CTNNA3: variants seen among roughly 807,000 people sequenced by gnomAD.
CTNNA3 encodes catenin alpha 3, also known as catenin alpha-3.
In CTNNA3, 76 loss-of-function variants were observed where a neutral mutation model predicts 95.7. The observed-to-expected ratio is 0.79, with a 90% CI of 0.66 to 0.96. The LOEUF is 0.96. CTNNA3 is among the 40% of genes least tolerant of loss of function. The pLI, the probability that CTNNA3 is intolerant of heterozygous loss-of-function variation, is 0.00. For synonymous variants in CTNNA3, 431 were observed against 374.4 expected (o/e 1.15, Z -1.74); for missense variants, 1,191 against 1,089.8 (o/e 1.09, Z -1.31).
intron 13 of CTNNA3, among the ~76,000 whole-genome samples, chr10:66,227,724 T>C (rs1383471607): frequency 1.3e-5 from 2 of 152,158 alleles, no homozygotes; most frequent in African/African-American, 4.8e-5. Context: ...TTTTACTTTT[T>C]TGCAAAATTG....
intron 12 of CTNNA3, among the ~76,000 whole-genome samples, chr10:66,331,078 C>A (rs1384521012): frequency 1.3e-5 from 2 of 152,052 alleles, no homozygotes; most frequent in South Asian, 2.1e-4. Context: ...TTAATTAGAT[C>A]CCATTTGTCA....
intron 7 of CTNNA3, among the ~76,000 whole-genome samples, chr10:67,145,389 G>A (rs567319899): frequency 4.6e-5 from 7 of 151,510 alleles, no homozygotes; most frequent in African/African-American, 1.5e-4. Context: ...TGGAAACCTT[G>A]GTAATAAAGG....
intron 1 of CTNNA3, among the ~76,000 whole-genome samples, chr10:67,684,433 C>T (rs4376802): frequency 0.23 from 35,473 of 152,012 alleles, 4,954 homozygotes; most frequent in East Asian, 0.51. Context: ...AGAGTGCTGA[C>T]TGATGCGTTT....
At position 66,927,994 on chromosome 10, in the gene CTNNA3, A is replaced by G; in HGVS notation, c.1048-152470T>C. The G allele has an allele frequency of 6.2e-7, 1 of 1,614,234 alleles. No individual in the cohort carries two copies. The highest frequency in any genetic ancestry group is 1.1e-5 in the South Asian group (1 of 91,088). ...GATCGATGCAGTGAAGAACTACAGC[A>G]TCTGTGGCAAAAGTACTACAGAGAG... On this transcript the variant is annotated intron_variant, in intron 7 of 17. Transcript: ENST00000433211. The surrounding 1 kb of genome is among the most constrained non-coding windows in gnomAD (Gnocchi z 4.7).
At chr10:67,303,820 A>G (rs1051118279) in intron 5 of CTNNA3, among the ~76,000 whole-genome samples, 2 of 152,160 alleles carry the variant, frequency 1.3e-5, no homozygotes, top group Admixed American at 6.5e-5. Flanking sequence ...CGCATCTGCT[A>G]AGTGAGGATC....
chr10:66,769,004 G>C (rs1370668602), intron 8 of CTNNA3, among the ~76,000 whole-genome samples: 1 of 152,104 alleles, frequency 6.6e-6, no homozygotes, highest in Non-Finnish European at 1.5e-5. Flanking sequence ...TTAATAATTT[G>C]ATTGTGACAT....
chr10:66,352,025 T>C (rs1284136191), intron 12 of CTNNA3, among the ~76,000 whole-genome samples: 1 of 152,090 alleles, frequency 6.6e-6, no homozygotes, highest in Admixed American at 6.6e-5. Flanking sequence ...GTAAGTACTA[T>C]ATGCCAGAAT....
At chr10:67,327,193 A>G (rs914170397) in intron 5 of CTNNA3, among the ~76,000 whole-genome samples, 3 of 152,156 alleles carry the variant, frequency 2.0e-5, no homozygotes, top group Non-Finnish European at 4.4e-5. Context: ...AATGATCTTT[A>G]TTCCTATCCA....
At chr10:67,024,809 T>C (rs1004328006) in intron 7 of CTNNA3, among the ~76,000 whole-genome samples, 2 of 152,122 alleles carry the variant, frequency 1.3e-5, no homozygotes, top group African/African-American at 2.4e-5. Context: ...AAAAGTTATT[T>C]ATAACCAATA....
At chr10:66,801,483 T>C (rs541883630) in intron 7 of CTNNA3, among the ~76,000 whole-genome samples, 1 of 151,526 alleles carries the variant, frequency 6.6e-6, no homozygotes, top group Non-Finnish European at 1.5e-5. Context: ...AAATGGATAA[T>C]TGAATTTAAA....
At chr10:67,563,877 C>G (rs528415100) in intron 3 of CTNNA3, among the ~76,000 whole-genome samples, 1 of 137,918 alleles carries the variant, frequency 7.3e-6, no homozygotes, top group African/African-American at 2.7e-5. Context: ...ATGCAGCCAA[C>G]AGACACATGA....
At chr10:67,485,351 GGAA>G (rs1356283759) in intron 5 of CTNNA3, among the ~76,000 whole-genome samples, 2 of 152,140 alleles carry the variant, frequency 1.3e-5, no homozygotes, top group South Asian at 2.1e-4. Flanking sequence ...AGAGGTTAGA[GGAA>G]GAAGAGGAGT....
At chr10:67,504,305 T>C (rs1464435293) in intron 5 of CTNNA3, among the ~76,000 whole-genome samples, 3 of 148,234 alleles carry the variant, frequency 2.0e-5, no homozygotes, top group Non-Finnish European at 3.0e-5. Context: ...ACAAAAAAAT[T>C]GGCCGGGCGT....
intron 11 of CTNNA3, among the ~76,000 whole-genome samples, chr10:66,435,227 G>A (rs904674616): frequency 6.6e-6 from 1 of 152,058 alleles, no homozygotes; most frequent in Non-Finnish European, 1.5e-5. Flanking sequence ...AATGGAACCA[G>A]CTCTTCTTTG....
At chr10:66,015,669 A>G (rs1019832386) in intron 15 of CTNNA3, among the ~76,000 whole-genome samples, 1 of 152,154 alleles carries the variant, frequency 6.6e-6, no homozygotes, top group Non-Finnish European at 1.5e-5. Flanking sequence ...CCTAAATTAT[A>G]CACTGGCCTT....
chr10:67,115,450 G>A (rs985717853), intron 7 of CTNNA3, among the ~76,000 whole-genome samples: 4 of 151,418 alleles, frequency 2.6e-5, no homozygotes, highest in African/African-American at 9.7e-5. Context: ...TAACTAACCT[G>A]CACAGTGTGC....
At chr10:67,686,259 TG>T (rs1245587726) in intron 1 of CTNNA3, among the ~76,000 whole-genome samples, 2 of 152,234 alleles carry the variant, frequency 1.3e-5, no homozygotes, top group Non-Finnish European at 2.9e-5. Context: ...TGCTGGTCCC[TG>T]GGGGAAGAGG....
intron 11 of CTNNA3, among the ~76,000 whole-genome samples, chr10:66,384,378 A>C (rs1167653891): frequency 1.3e-5 from 2 of 152,192 alleles, no homozygotes. Flanking sequence ...AAAGGGATCA[A>C]TTCAACAAGA....
chr10:66,783,305 T>A (rs1256535878), intron 7 of CTNNA3, among the ~76,000 whole-genome samples: 1 of 152,160 alleles, frequency 6.6e-6, no homozygotes, highest in African/African-American at 2.4e-5. Flanking sequence ...TTTAAAGGTG[T>A]TTCCATGAAG....
Sources: allele counts gnomAD v4.1 joint callset (sites outside exome capture counted in the v4.1 genomes callset), GRCh38; gene constraint gnomAD v4.1.1; non-coding constraint Gnocchi (gnomAD v3.1); transcripts MANE v1.5; gene names NCBI Gene and HGNC (gene_info 2026-07-23, HGNC 2026-07-21).